The following SLC6A13 variants were observed in gnomAD, a reference collection of about 807,000 sequenced individuals.
SLC6A13 encodes sodium- and chloride-dependent GABA transporter 2.
In SLC6A13, 69 loss-of-function variants were observed where a neutral mutation model predicts 72.9. The ratio of observed to expected loss-of-function variants is 0.95; its 90% CI spans 0.78 to 1.16. The LOEUF is 1.16. SLC6A13 is among the 50% of genes most tolerant of loss of function. The probability of loss-of-function intolerance (pLI) is 0.00; values close to 1 mark genes in which losing one functional copy is unlikely to be tolerated. For missense variants in SLC6A13, 735 were observed against 760.5 expected, an observed-to-expected ratio of 0.97 and a Z score of 0.39; for synonymous variants, 303 against 303.0, an observed-to-expected ratio of 1.00 and a Z score of 0.00.
intron 1 of SLC6A13, among the ~76,000 whole-genome samples, chr12:260,746 A>G (rs1225309404): frequency 6.6e-6 from 1 of 152,228 alleles, no homozygotes. Flanking sequence ...TACATACAAT[A>G]TGATCATGCT....
intron 8 of SLC6A13, 157 bp downstream of exon 8, chr12:227,408 T>C (rs947668968): frequency 2.3e-6 from 2 of 865,090 alleles, no homozygotes; most frequent in Non-Finnish European, 2.8e-6. Flanking sequence ...GTTGGCTCCT[T>C]GCAGCTCCTG....
intron 4 of SLC6A13, among the ~76,000 whole-genome samples, chr12:240,166 G>A (rs1397703953): frequency 3.3e-5 from 5 of 152,056 alleles, no homozygotes; most frequent in Admixed American, 1.3e-4. Context: ...AAATAAAAAG[G>A]AAGAAAAGAA....
intron 14 of SLC6A13, 35 bp from the exon 15 acceptor site, chr12:221,105 G>C (rs1941186873): frequency 6.4e-7 from 1 of 1,556,744 alleles, no homozygotes; most frequent in Non-Finnish European, 8.7e-7. Context: ...TCAGGTGGTG[G>C]AGCGGGGGCA....
At chr12:257,457 C>T (rs977655325) in intron 2 of SLC6A13, among the ~76,000 whole-genome samples, 1 of 152,078 alleles carries the variant, frequency 6.6e-6, no homozygotes, top group Non-Finnish European at 1.5e-5. Flanking sequence ...GAAGAAGTTA[C>T]GGGTAGGTAG....
intron 2 of SLC6A13, among the ~76,000 whole-genome samples, chr12:251,594 A>T (rs187660707): frequency 1.4e-4 from 21 of 152,290 alleles, no homozygotes; most frequent in Admixed American, 1.0e-3. Flanking sequence ...TTATAAAATA[A>T]ATAATTTATA....
At chr12:256,873 G>A (rs1177968481) in intron 2 of SLC6A13, among the ~76,000 whole-genome samples, 1 of 152,128 alleles carries the variant, frequency 6.6e-6, no homozygotes, top group East Asian at 1.9e-4. Context: ...GGCACAGCCT[G>A]GAGTATCCCA....
intron 8 of SLC6A13, among the ~76,000 whole-genome samples, chr12:227,226 A>T (rs981547028): frequency 2.0e-5 from 3 of 152,202 alleles, no homozygotes; most frequent in Non-Finnish European, 4.4e-5. Context: ...CATCAAAGTT[A>T]TAAGGAAACG....
chr12:221,012 G>C lies in SLC6A13; in HGVS notation c.1745C>G (p.Pro582Arg). The change falls in exon 15 of 15, where the codon CCC becomes CGC. Residue 582 changes from proline to arginine, a missense_variant. Physicochemically the swap from Pro to Arg is moderately radical, Grantham distance 103 (BLOSUM62 -2). Transcript: ENST00000343164. Reference sequence around the variant, plus strand: ...GGTCCTGGGGGTGGCGGGAGCCGAGGGTCCTGCTGGGTTCCGCTGGGGCAG... The same window carrying C: ...GGTCCTGGGGGTGGCGGGAGCCGAGCGTCCTGCTGGGTTCCGCTGGGGCAG... The part of the protein sequence containing the change: ...EDLPQRNPAG[P>R]SAPATPRTSL... The C allele has an allele frequency of 6.2e-7, 1 of 1,612,486 alleles. No individual in the cohort carries two copies. Among genetic ancestry groups the C allele is most frequent in the Middle Eastern group, 1.7e-4 (1 of 6,052 alleles).
chr12:241,642 T>C (rs1942171733), intron 4 of SLC6A13, among the ~76,000 whole-genome samples: 1 of 152,232 alleles, frequency 6.6e-6, no homozygotes, highest in Non-Finnish European at 1.5e-5. Flanking sequence ...GGTAAATAAA[T>C]AAATAACCAC....
At position 223,195 on chromosome 12, in the gene SLC6A13, C is replaced by T; in HGVS notation, c.1351G>A (p.Ala451Thr). The change falls in exon 12 of 15, where the codon GCC becomes ACC. Residue 451 changes from alanine (A) to threonine (T), a missense_variant. Physicochemically the swap from Ala to Thr is moderately conservative, Grantham distance 58. Transcript: ENST00000343164. ...YVFQLFDYYA[A>T]SGMCLLFVAI... ...ACGAACAGGAGGCACATGCCACTGG[C>T]CGCATAGTAGTCAAAGAGCTGGAAC... 6.2e-7 allele frequency: 1 copy of T among 1,613,906 alleles called. No individual in the cohort carries two copies. The highest frequency in any genetic ancestry group is 8.5e-7 in the Non-Finnish European group (1 of 1,179,792).
At chr12:244,762 T>C (rs1041840206) in intron 2 of SLC6A13, among the ~76,000 whole-genome samples, 9 of 152,142 alleles carry the variant, frequency 5.9e-5, no homozygotes, top group African/African-American at 1.9e-4. Flanking sequence ...CCTTCTGCCA[T>C]GGGCTGACAC....
intron 2 of SLC6A13, chr12:259,607 C>T (rs905648143): frequency 7.1e-7 from 1 of 1,416,766 alleles, no homozygotes; most frequent in African/African-American, 1.4e-5. Flanking sequence ...AACTCTCATC[C>T]ACCTGGTTCC....
rs763662626 is a variant in SLC6A13, at chr12:221,382, G to A, written c.1680C>T (p.Phe560=). The A allele has an allele frequency of 6.3e-7, 1 of 1,596,248 alleles. No homozygotes were observed. The highest frequency in any genetic ancestry group is 1.1e-5 in the South Asian group (1 of 88,816). Reference sequence around the variant, plus strand: ...CTGCCCGCAAAGGCCCTACCTCTCTGAAGGGGCCCTTGAGGGTTCCGAGTC... The same window carrying A: ...CTGCCCGCAAAGGCCCTACCTCTCTAAAGGGGCCCTTGAGGGTTCCGAGTC... ...LYRLGTLKGP[F]RERIRQLMCP... Residue 560 remains phenylalanine (F), a synonymous_variant, in exon 14 of 15, where the codon TTC becomes TTT. Transcript: ENST00000343164.
At chr12:243,838 A>G (rs1045149411) in intron 2 of SLC6A13, 25 bp from the exon 3 acceptor site, 1 of 1,610,292 alleles carries the variant, frequency 6.2e-7, no homozygotes, top group Non-Finnish European at 8.5e-7. Context: ...CAGGCTGTTC[A>G]TTTCCTGGGA....
Position 258,879 on chromosome 12 carries a change from A to G in SLC6A13, c.202+972T>C, listed in dbSNP as rs373563197. On this transcript the variant is annotated intron_variant, in intron 2 of 14. Coordinates refer to ENST00000343164, the MANE Select transcript of SLC6A13 (RefSeq NM_016615.5). The stretch of plus-strand genomic sequence containing the variant: ...CGAAATTTTTAAAAAGAGAGCCTAT[A>G]CTAGAAGGGGCTGGGTAATGGATGG... 20 of 975,108 alleles carry G rather than the reference A, an allele frequency of 2.1e-5. No individual in the cohort carries two copies. The East Asian group carries it at 6.8e-4, about 33-fold the overall frequency. 60.4% of individuals were successfully genotyped at this position (975,108 alleles called of 1,614,324 possible).
rs943928185 is a variant in SLC6A13 at position 261,902 on chromosome 12, G to A, written c.-6+887C>T. ...GATCGCGCCACTGCACTCCAGTCTG[G>A]GCAACAAAGCGAGACTCTGTCTCAA... On this transcript the variant is annotated intron_variant, in intron 1 of 14. Transcript: ENST00000343164. 1.1e-4 allele frequency among the ~76,000 whole-genome samples: 16 copies of A among 151,584 alleles called. No individual in the cohort carries two copies. The South Asian group carries it at 3.3e-3, about 32-fold the overall frequency.
At position 221,525 on chromosome 12, in the gene SLC6A13, T is replaced by C. The variant is rs1388990007; in HGVS notation, c.1537A>G (p.Ile513Val). The C allele has an allele frequency of 1.4e-5, 22 of 1,598,372 alleles. No homozygotes were observed. Among genetic ancestry groups the C allele is most frequent in the Non-Finnish European group, 1.8e-5 (21 of 1,171,316 alleles). Reference protein sequence around the residue: ...VCTATFLFSLIKYTPLTYNKK... With the variant: ...VCTATFLFSLVKYTPLTYNKK... ...TTGTAGGTCAGCGGAGTGTACTTTA[T>C]CAGGGAGAAGAGAAAGGTGGCCTGA... The change falls in exon 14 of 15, where the codon ATA (isoleucine) becomes GTA (valine). Residue 513 changes from isoleucine (I) to valine (V), a missense_variant. Transcript: ENST00000343164.
In SLC6A13 at chr12:220,910, AAGGCC is replaced by A; in HGVS notation, c.*33_*37del. On this transcript the variant is annotated 3_prime_UTR_variant, in exon 15 of 15. Coordinates refer to ENST00000343164, the MANE Select transcript of SLC6A13 (RefSeq NM_016615.5). ...CCACGTTCCCTCCACAGCCATCCCCAAGGCCAGGCACACAGGCACCATCCAAGGGC... is the reference window on the plus strand; with the variant it reads ...CCACGTTCCCTCCACAGCCATCCCCAAGGCACACAGGCACCATCCAAGGGC... 6.2e-7 allele frequency: 1 copy of A among 1,608,352 alleles called. No homozygotes were observed. Among genetic ancestry groups the A allele is most frequent in the South Asian group, 1.1e-5 (1 of 90,808 alleles).
intron 7 of SLC6A13, among the ~76,000 whole-genome samples, chr12:230,155 A>C (rs1227276990): frequency 6.6e-6 from 1 of 152,090 alleles, no homozygotes; most frequent in Non-Finnish European, 1.5e-5. Flanking sequence ...CCACTCCACG[A>C]GCCCTGGTTT....
Sources: gnomAD v4.1 joint callset for allele counts (sites outside exome capture counted in the v4.1 genomes callset) on GRCh38, gnomAD v4.1.1 for gene constraint, MANE v1.5 for transcripts, NCBI Gene and HGNC (gene_info 2026-07-23, HGNC 2026-07-21) for gene names.